Variants in TRPC7 observed in about 807,000 individuals in gnomAD.
TRPC7 encodes short transient receptor potential channel 7.
TRPC7 carries 42 observed loss-of-function variants against 90.1 expected under a neutral mutation model. The observed-to-expected ratio is 0.47, with a 90% CI of 0.36 to 0.60. The LOEUF is 0.60. Ranked by LOEUF, TRPC7 falls within the 20% of genes least tolerant of loss-of-function variation. TRPC7 has a pLI of 0.00. For missense variants in TRPC7, 955 were observed against 1,112.3 expected (o/e 0.86, Z 2.01); for synonymous variants, 451 against 436.3 (o/e 1.03, Z -0.42).
At chr5:136,276,963 T>A (rs1298034776) in intron 3 of TRPC7, among the ~76,000 whole-genome samples, 1 of 152,242 alleles carries the variant, frequency 6.6e-6, no homozygotes, top group African/African-American at 2.4e-5. Context: ...AAACTCGTAG[T>A]CTGATTAGAA....
Position 136,247,515 on chromosome 5 carries a change from C to T in TRPC7, c.1800G>A (p.Leu600=), listed in dbSNP as rs1400256687. 1.9e-6 allele frequency: 3 copies of T among 1,613,950 alleles called. No individual in the cohort carries two copies. The highest frequency in any genetic ancestry group is 2.2e-5 in the South Asian group (2 of 91,066). The part of the protein sequence containing the change: ...FVAFMIGMFN[L]YSYYRGAKYN... ...ATTTGGCACCTCGGTAGTAAGAGTACAGGTTGAACATCCCAATCATGAAGG... is the reference window on the plus strand; with the variant it reads ...ATTTGGCACCTCGGTAGTAAGAGTATAGGTTGAACATCCCAATCATGAAGG... Residue 600 remains leucine, a synonymous_variant, in exon 7 of 12, where the codon CTG becomes CTA. Coordinates refer to ENST00000513104, the MANE Select transcript of TRPC7 (RefSeq NM_020389.3). This position sits in a 1 kb window ranked among gnomAD's most constrained non-coding sequence, Gnocchi z 4.2.
At chr5:136,291,512 C>G (rs1757950583) in intron 3 of TRPC7, among the ~76,000 whole-genome samples, 1 of 152,164 alleles carries the variant, frequency 6.6e-6, no homozygotes. Flanking sequence ...ATAAAACAGA[C>G]TTTAAACCAA....
intron 1 of TRPC7, among the ~76,000 whole-genome samples, chr5:136,358,094 G>A (rs1760448028): frequency 6.6e-6 from 1 of 152,082 alleles, no homozygotes; most frequent in African/African-American, 2.4e-5. Context: ...GTGCTTTCTG[G>A]TCCACACACA....
chr5:136,261,928 C>T lies in TRPC7; in HGVS notation c.1345+4292G>A, dbSNP rs569766075. Among the ~76,000 whole-genome samples, 7 of 152,322 alleles carry T rather than the reference C, an allele frequency of 4.6e-5. No homozygotes were observed. In the East Asian group the frequency reaches 7.7e-4, roughly 17 times the overall value. On this transcript the variant is annotated intron_variant, in intron 5 of 11. Transcript: ENST00000513104. ...CCATCTCTATTCCCCCTGCAAACTGCTCCACCTTGGGTCTTTCCCATCTTA... is the reference window on the plus strand; with the variant it reads ...CCATCTCTATTCCCCCTGCAAACTGTTCCACCTTGGGTCTTTCCCATCTTA...
intron 2 of TRPC7, among the ~76,000 whole-genome samples, chr5:136,331,715 T>C (rs530707668): frequency 6.6e-6 from 1 of 152,312 alleles, no homozygotes; most frequent in African/African-American, 2.4e-5. Context: ...GCGCCAGAGC[T>C]GTAGCCGGCA....
chr5:136,264,223 C>T (rs1420193620), intron 5 of TRPC7, among the ~76,000 whole-genome samples: 1 of 152,128 alleles, frequency 6.6e-6, no homozygotes, highest in East Asian at 1.9e-4. Context: ...AATATGAGGA[C>T]TCAGGAGGAA....
intron 2 of TRPC7, among the ~76,000 whole-genome samples, chr5:136,322,320 C>T (rs1759224542): frequency 6.6e-6 from 1 of 152,058 alleles, no homozygotes; most frequent in African/African-American, 2.4e-5. Context: ...GGCTAATATT[C>T]CTGTACAAGT....
At chr5:136,311,722 C>G (rs573642060) in intron 3 of TRPC7, among the ~76,000 whole-genome samples, 1 of 152,334 alleles carries the variant, frequency 6.6e-6, no homozygotes, top group African/African-American at 2.4e-5. Context: ...AGAGCATAAG[C>G]AGAGTCCTTC....
chr5:136,226,690 G>A (rs1755641051), intron 8 of TRPC7, among the ~76,000 whole-genome samples: 1 of 152,122 alleles, frequency 6.6e-6, no homozygotes, highest in Non-Finnish European at 1.5e-5. Context: ...AATACATTGT[G>A]AGCCAAAAAG....
At position 136,356,881 on chromosome 5, in the gene TRPC7, G is replaced by T; in HGVS notation, c.507C>A (p.Ile169=). The T allele has an allele frequency of 6.2e-7, 1 of 1,613,958 alleles. No individual in the cohort carries two copies. The highest frequency in any genetic ancestry group is 1.1e-5 in the South Asian group (1 of 91,082). Residue 169 remains isoleucine, a synonymous_variant, in exon 2 of 12, where the codon ATC becomes ATA. Transcript: ENST00000513104. ...TRFSHDITPI[I]LAAHCQEYEI... is the part of the protein sequence containing the mutation. ...CATACTCCTGGCAGTGCGCCGCCAG[G>T]ATGATGGGCGTGATGTCGTGGGAGA...
rs965694879 is a variant in TRPC7 at position 136,285,688 on chromosome 5, G to A, written c.964-10851C>T. Among the ~76,000 whole-genome samples, 15 of 152,318 alleles carry A rather than the reference G, an allele frequency of 9.8e-5. No individual in the cohort carries two copies. In the South Asian group the frequency reaches 1.9e-3, roughly 19 times the overall value. Reference sequence around the variant, plus strand: ...AAGGGAAGCCCAGTGGCCTGAGGATGACTCAGAGGATGCAAGGCTGATGAT... The same window carrying A: ...AAGGGAAGCCCAGTGGCCTGAGGATAACTCAGAGGATGCAAGGCTGATGAT... On this transcript the variant is annotated intron_variant, in intron 3 of 11. Transcript: ENST00000513104.
chr5:136,286,764 C>T (rs1757732398), intron 3 of TRPC7, among the ~76,000 whole-genome samples: 1 of 152,216 alleles, frequency 6.6e-6, no homozygotes, highest in African/African-American at 2.4e-5. Context: ...CAGCACTCCA[C>T]ATTGTCTCCT....
chr5:136,235,950 G>A (rs923083388), intron 7 of TRPC7, among the ~76,000 whole-genome samples: 1 of 152,200 alleles, frequency 6.6e-6, no homozygotes. Flanking sequence ...GGCTATATGA[G>A]TTTGGGCATG....
chr5:136,244,751 C>T (rs955131443), intron 7 of TRPC7, among the ~76,000 whole-genome samples: 1 of 152,122 alleles, frequency 6.6e-6, no homozygotes, highest in Admixed American at 6.5e-5. Flanking sequence ...AGCAAATTTG[C>T]TTTTGGGTGA....
At chr5:136,217,902 A>G (rs112327091) in intron 10 of TRPC7, among the ~76,000 whole-genome samples, 39 of 151,546 alleles carry the variant, frequency 2.6e-4, no homozygotes, top group African/African-American at 9.2e-4. Context: ...CTGTAATCCC[A>G]GCTACTCGTG....
chr5:136,276,981 C>T lies in TRPC7; in HGVS notation c.964-2144G>A, dbSNP rs150563683. Among the ~76,000 whole-genome samples the T allele has an allele frequency of 3.2e-3, 490 of 152,342 alleles. 4 individuals carry two copies. The highest frequency in any genetic ancestry group is 0.011 in the African/African-American group (468 of 41,574). On this transcript the variant is annotated intron_variant, in intron 3 of 11. Coordinates refer to ENST00000513104, the MANE Select transcript of TRPC7 (RefSeq NM_020389.3). ...CTCGTAGTCTGATTAGAAGACGCGA[C>T]ACATGCTGTGAAATAGAAGACGAGT...
At chr5:136,281,646 A>G (rs767796632) in intron 3 of TRPC7, among the ~76,000 whole-genome samples, 2 of 152,320 alleles carry the variant, frequency 1.3e-5, no homozygotes, top group South Asian at 2.1e-4. Flanking sequence ...GCTCTGGGTC[A>G]GCCTGCCCAC....
At chr5:136,244,451 T>G (rs371297072) in intron 7 of TRPC7, among the ~76,000 whole-genome samples, 57 of 152,356 alleles carry the variant, frequency 3.7e-4, no homozygotes, top group African/African-American at 1.3e-3. Flanking sequence ...CTCTGGGCAG[T>G]AGGAACAGGA....
chr5:136,216,100 G>T, intron 11 of TRPC7, 100 bp downstream of exon 11: 1 of 966,088 alleles, frequency 1.0e-6, no homozygotes, highest in East Asian at 2.6e-5. Flanking sequence ...CCTCTGGAAA[G>T]GAGCACAGTG....
Sources: gnomAD v4.1 joint callset for allele counts (sites outside exome capture counted in the v4.1 genomes callset) on GRCh38, gnomAD v4.1.1 for gene constraint, Gnocchi (gnomAD v3.1) non-coding constraint, MANE v1.5 for transcripts, NCBI Gene and HGNC (gene_info 2026-07-23, HGNC 2026-07-21) for gene names.